DPP10: variants seen among roughly 807,000 people sequenced by gnomAD.
DPP10 encodes the protein inactive dipeptidyl peptidase 10.
In DPP10, 33 loss-of-function variants were observed where a neutral mutation model predicts 120.9. The ratio of observed to expected loss-of-function variants is 0.27; its 90% CI spans 0.21 to 0.37. DPP10 has a LOEUF of 0.37. Ranked by LOEUF, DPP10 falls within the 10% of genes least tolerant of loss-of-function variation. DPP10 has a pLI of 1.00. For synonymous variants in DPP10, 337 were observed against 326.1 expected, an observed-to-expected ratio of 1.03 and a Z score of -0.36; for missense variants, 816 against 942.8, an observed-to-expected ratio of 0.87 and a Z score of 1.76.
At chr2:114,693,784 T>A (rs1699909843) in intron 1 of DPP10, among the ~76,000 whole-genome samples, 2 of 152,002 alleles carry the variant, frequency 1.3e-5, no homozygotes, top group Admixed American at 1.3e-4. Context: ...CTCTTTTTTA[T>A]TCTTTTATCT....
At chr2:114,586,950 C>A (rs1691032831) in intron 1 of DPP10, among the ~76,000 whole-genome samples, 1 of 152,156 alleles carries the variant, frequency 6.6e-6, no homozygotes, top group Admixed American at 6.5e-5. Flanking sequence ...TGCTGGTAAC[C>A]ATGCTTCTTG....
intron 1 of DPP10, among the ~76,000 whole-genome samples, chr2:114,787,091 A>C (rs1297775365): frequency 2.0e-5 from 3 of 152,204 alleles, no homozygotes; most frequent in African/African-American, 7.2e-5. Context: ...AAGAAAACTT[A>C]AGAAACAGTG....
chr2:115,546,007 A>G (rs891226983), intron 5 of DPP10, among the ~76,000 whole-genome samples: 3 of 152,076 alleles, frequency 2.0e-5, no homozygotes, highest in South Asian at 2.1e-4. Flanking sequence ...TCTATTTGAG[A>G]ATGGACAAAA....
chr2:114,843,331 A>G (rs771676229), intron 1 of DPP10, among the ~76,000 whole-genome samples: 29 of 152,150 alleles, frequency 1.9e-4, no homozygotes, highest in Non-Finnish European at 3.8e-4. Context: ...GAAGAAATAA[A>G]TATGCAGCCT....
chr2:115,133,996 C>T (rs1338074902), intron 1 of DPP10, among the ~76,000 whole-genome samples: 1 of 152,112 alleles, frequency 6.6e-6, no homozygotes, highest in Non-Finnish European at 1.5e-5. Flanking sequence ...TTATGATGAA[C>T]TTCTAAAGGA....
chr2:114,942,418 T>C (rs1232407485), intron 1 of DPP10, among the ~76,000 whole-genome samples: 5 of 145,712 alleles, frequency 3.4e-5, no homozygotes, highest in African/African-American at 1.3e-4. Flanking sequence ...TATATATATA[T>C]ATATGATATC....
chr2:114,698,642 A>G (rs1291138286), intron 1 of DPP10, among the ~76,000 whole-genome samples: 1 of 152,110 alleles, frequency 6.6e-6, no homozygotes, highest in Non-Finnish European at 1.5e-5. Flanking sequence ...CTAAGTCAGG[A>G]GAACAAGGCT....
At chr2:114,996,031 G>GC (rs35899918) in intron 1 of DPP10, among the ~76,000 whole-genome samples, 1 of 152,118 alleles carries the variant, frequency 6.6e-6, no homozygotes, top group Non-Finnish European at 1.5e-5. Flanking sequence ...GATTGCTCTG[G>GC]CCCCCCTCAT....
chr2:115,114,711 A>G lies in DPP10; in HGVS notation c.61-194528A>G, dbSNP rs78672879. ...TACTGATAACATTGAAAAATGTCCA[A>G]TTCAAAATATAAAATTTCTTTCACA... On this transcript the variant is annotated intron_variant, in intron 1 of 25. Coordinates refer to ENST00000410059, the MANE Select transcript of DPP10 (RefSeq NM_020868.6). Among the ~76,000 whole-genome samples, 1,135 of 152,256 alleles carry G rather than the reference A, an allele frequency of 7.5e-3. 4 individuals carry two copies. Among genetic ancestry groups the G allele is most frequent in the Non-Finnish European group, 0.012 (842 of 68,012 alleles).
At chr2:114,699,163 G>A (rs1700240004) in intron 1 of DPP10, among the ~76,000 whole-genome samples, 1 of 152,086 alleles carries the variant, frequency 6.6e-6, no homozygotes, top group Non-Finnish European at 1.5e-5. Context: ...TTAAGTAATT[G>A]TCTTGCAGAC....
At chr2:115,214,131 G>A (rs1031332821) in intron 1 of DPP10, among the ~76,000 whole-genome samples, 4 of 152,176 alleles carry the variant, frequency 2.6e-5, no homozygotes, top group East Asian at 3.9e-4. Context: ...TGGCAAATGC[G>A]GCCAGTGGCC....
At chr2:115,163,203 GAAGAGCCTCTT>G in intron 1 of DPP10, among the ~76,000 whole-genome samples, 1 of 152,318 alleles carries the variant, frequency 6.6e-6, no homozygotes, top group African/African-American at 2.4e-5. Flanking sequence ...TCTAAGCACT[GAAGAGCCTCTT>G]AAGGGGAGCT....
At chr2:115,004,716 C>T (rs866660926) in intron 1 of DPP10, among the ~76,000 whole-genome samples, 3 of 152,304 alleles carry the variant, frequency 2.0e-5, no homozygotes, top group Middle Eastern at 3.4e-3. Context: ...TCGGAGGGTC[C>T]TACCCCATGG....
intron 1 of DPP10, among the ~76,000 whole-genome samples, chr2:114,518,772 ATAT>A (rs1202748866): frequency 2.0e-5 from 3 of 152,266 alleles, no homozygotes; most frequent in Non-Finnish European, 4.4e-5. Flanking sequence ...ATATTGGTAA[ATAT>A]TATGGTCATC....
At chr2:115,689,789 G>A in intron 6 of DPP10, 50 bp downstream of exon 6, 2 of 1,609,452 alleles carry the variant, frequency 1.2e-6, no homozygotes, top group South Asian at 1.1e-5. Flanking sequence ...TTACTAAATT[G>A]TTGGTGTAGA....
intron 1 of DPP10, among the ~76,000 whole-genome samples, chr2:114,850,153 TG>T (rs896762796): frequency 5.3e-5 from 8 of 151,928 alleles, no homozygotes; most frequent in Admixed American, 4.6e-4. Context: ...CCCAAGTAGC[TG>T]GGACTATAGG....
chr2:115,643,472 G>A (rs1247648334), intron 5 of DPP10, among the ~76,000 whole-genome samples: 2 of 152,080 alleles, frequency 1.3e-5, no homozygotes, highest in Non-Finnish European at 2.9e-5. Context: ...TCCATATACT[G>A]CACCAAGATT....
chr2:114,847,043 G>T (rs762415481), intron 1 of DPP10, among the ~76,000 whole-genome samples: 1 of 150,728 alleles, frequency 6.6e-6, no homozygotes, highest in Non-Finnish European at 1.5e-5. Context: ...ATTCTTCTGA[G>T]GCAGTGGTGC....
intron 1 of DPP10, among the ~76,000 whole-genome samples, chr2:114,957,429 T>C (rs948290428): frequency 2.0e-5 from 3 of 152,174 alleles, no homozygotes. Flanking sequence ...AGAATGGCTA[T>C]TATCAAAGTG....
Sources: allele counts gnomAD v4.1 joint callset (sites outside exome capture counted in the v4.1 genomes callset), GRCh38; gene constraint gnomAD v4.1.1; transcripts MANE v1.5; gene names NCBI Gene and HGNC (gene_info 2026-07-23, HGNC 2026-07-21).